The following DLGAP1 variants were observed in gnomAD, a reference collection of about 807,000 sequenced individuals.
The protein encoded by DLGAP1 is disks large-associated protein 1.
In DLGAP1, 11 loss-of-function variants were observed where a neutral mutation model predicts 90.8. That is an observed-to-expected ratio of 0.12 (90% CI 0.08 to 0.20). DLGAP1 has a LOEUF of 0.20. Among genes scored for constraint, DLGAP1 ranks in the 10% least tolerant of loss-of-function variants. The pLI is 1.00. For missense variants in DLGAP1, 1,050 were observed against 1,333.8 expected, an observed-to-expected ratio of 0.79 and a Z score of 3.31; for synonymous variants, 558 against 540.7, an observed-to-expected ratio of 1.03 and a Z score of -0.44.
rs569546586 is a variant in DLGAP1, at chr18:3,536,269, G to A, written c.2058-1654C>T. On this transcript the variant is annotated intron_variant, in intron 9 of 12. Transcript: ENST00000315677. ...GACAGAGTCTTGCTCTGTTGCCCAG[G>A]CTGGAGTGCAGTGGCACAACCTCAA... 4.7e-5 allele frequency among the ~76,000 whole-genome samples: 7 copies of A among 147,808 alleles called. No homozygotes were observed. The East Asian group carries it at 1.4e-3, about 30-fold the overall frequency.
At chr18:4,325,179 T>G (rs1014657142) in intron 1 of DLGAP1, among the ~76,000 whole-genome samples, 1 of 152,092 alleles carries the variant, frequency 6.6e-6, no homozygotes, top group Admixed American at 6.6e-5. Context: ...GGAAACTAAA[T>G]CAATCTATAA....
At chr18:3,891,705 G>A (rs2071464094) in intron 3 of DLGAP1, among the ~76,000 whole-genome samples, 1 of 152,140 alleles carries the variant, frequency 6.6e-6, no homozygotes, top group Non-Finnish European at 1.5e-5. Context: ...GTACGGACTA[G>A]TCTCTGGATA....
intron 1 of DLGAP1, among the ~76,000 whole-genome samples, chr18:4,323,948 T>C (rs1224958286): frequency 2.0e-5 from 3 of 151,788 alleles, no homozygotes; most frequent in African/African-American, 7.3e-5. Context: ...CCACCTAACA[T>C]AACAACTGGA....
At chr18:3,918,967 A>G (rs2072208161) in intron 3 of DLGAP1, among the ~76,000 whole-genome samples, 1 of 152,234 alleles carries the variant, frequency 6.6e-6, no homozygotes, top group African/African-American at 2.4e-5. Context: ...GCTTCTCAAG[A>G]GATACACACA....
chr18:3,763,879 C>T (rs1261528535), intron 5 of DLGAP1, among the ~76,000 whole-genome samples: 2 of 152,070 alleles, frequency 1.3e-5, no homozygotes, highest in African/African-American at 4.8e-5. Flanking sequence ...TCAGGCTGGT[C>T]GCGAACTACT....
chr18:4,033,194 T>C (rs1356559133), intron 2 of DLGAP1, among the ~76,000 whole-genome samples: 6 of 152,138 alleles, frequency 3.9e-5, no homozygotes, highest in Non-Finnish European at 2.9e-5. Context: ...TTTAATTTCA[T>C]ATGATATGAT....
intron 1 of DLGAP1, among the ~76,000 whole-genome samples, chr18:4,281,169 C>T (rs957948529): frequency 6.6e-6 from 1 of 152,122 alleles, no homozygotes; most frequent in African/African-American, 2.4e-5. Context: ...ATGATCTGAA[C>T]GTAGCTGCTT....
At chr18:4,434,052 A>G (rs1428672906) in intron 1 of DLGAP1, among the ~76,000 whole-genome samples, 4 of 152,034 alleles carry the variant, frequency 2.6e-5, no homozygotes, top group Non-Finnish European at 5.9e-5. Context: ...GAACCTGGGT[A>G]TAAACTTCTC....
At chr18:3,798,381 G>C (rs1398404653) in intron 5 of DLGAP1, among the ~76,000 whole-genome samples, 1 of 152,168 alleles carries the variant, frequency 6.6e-6, no homozygotes, top group East Asian at 1.9e-4. Context: ...TGAGCCCTTT[G>C]GGGTCAATGA....
rs373184502 is a variant in DLGAP1, at chr18:4,130,621, A to C, written c.-159+20559T>G. ...ACAGATTCAGTCCTTGTTCTTGTGA[A>C]GTTTACATTCCAGTAGAAGGGGCAG... On this transcript the variant is annotated intron_variant, in intron 2 of 12. Coordinates refer to ENST00000315677, the MANE Select transcript of DLGAP1 (RefSeq NM_004746.4). 1.2e-4 allele frequency among the ~76,000 whole-genome samples: 18 copies of C among 152,282 alleles called. 3 individuals are homozygous for C. The highest frequency in any genetic ancestry group is 7.2e-5 in the African/African-American group (3 of 41,560).
In DLGAP1 at chr18:3,775,892, G is replaced by A. The variant is rs1426628490; in HGVS notation, c.1173-33380C>T. On this transcript the variant is annotated intron_variant, in intron 5 of 12. Coordinates refer to ENST00000315677, the MANE Select transcript of DLGAP1 (RefSeq NM_004746.4). This position sits in a 1 kb window ranked among gnomAD's most constrained non-coding sequence, Gnocchi z 4.9. The stretch of plus-strand genomic sequence containing the variant: ...GGCTTCTGATACCATAGATTCGTTT[G>A]GTCTGTTTTTGAACTTGAGATAAAT... 6.6e-6 allele frequency among the ~76,000 whole-genome samples: 1 copy of A among 152,058 alleles called. No individual in the cohort carries two copies. The highest frequency in any genetic ancestry group is 2.4e-5 in the African/African-American group (1 of 41,388).
At chr18:4,281,771 C>CCT (rs1336237759) in intron 1 of DLGAP1, among the ~76,000 whole-genome samples, 1 of 152,092 alleles carries the variant, frequency 6.6e-6, no homozygotes, top group Non-Finnish European at 1.5e-5. Flanking sequence ...GTTGTATAAA[C>CCT]AGTCACTTAT....
chr18:3,507,399 C>T (rs560287573), intron 11 of DLGAP1, among the ~76,000 whole-genome samples: 2 of 151,844 alleles, frequency 1.3e-5, no homozygotes, highest in South Asian at 2.1e-4. Context: ...CACCTGTAGT[C>T]CCAGCTACTC....
intron 7 of DLGAP1, among the ~76,000 whole-genome samples, chr18:3,688,559 GATA>G (rs977433871): frequency 5.4e-5 from 8 of 149,216 alleles, no homozygotes; most frequent in Non-Finnish European, 1.2e-4. Flanking sequence ...TGTTACTGTT[GATA>G]ATATTTGCTT....
rs536386263 is a variant in DLGAP1 at position 3,844,167 on chromosome 18, T to A, written c.958-29894A>T. ...TAGGAATAGGAGGAACATTTTCTAT[T>A]TCTCCAATATTTCCCACATGCTTTG... On this transcript the variant is annotated intron_variant, in intron 4 of 12. Coordinates refer to ENST00000315677, the MANE Select transcript of DLGAP1 (RefSeq NM_004746.4). 3.8e-4 allele frequency among the ~76,000 whole-genome samples: 58 copies of A among 152,322 alleles called. No individual in the cohort carries two copies. In the South Asian group the frequency reaches 0.011, roughly 30 times the overall value.
intron 1 of DLGAP1, among the ~76,000 whole-genome samples, chr18:4,270,493 T>G (rs1412993782): frequency 6.6e-6 from 1 of 152,226 alleles, no homozygotes; most frequent in Non-Finnish European, 1.5e-5. Flanking sequence ...ATAATTAATT[T>G]AGTGATAACA....
intron 1 of DLGAP1, among the ~76,000 whole-genome samples, chr18:4,449,562 C>T (rs1456595983): frequency 6.6e-6 from 1 of 152,180 alleles, no homozygotes; most frequent in East Asian, 1.9e-4. Flanking sequence ...TTCATTCACT[C>T]AACCAATGTT....
At chr18:3,874,286 T>G (rs1359009948) in intron 4 of DLGAP1, 2 of 1,547,522 alleles carry the variant, frequency 1.3e-6, no homozygotes, top group East Asian at 2.4e-5. Flanking sequence ...TGTCTTGCTC[T>G]CTCTCTCGCT....
Position 4,454,015 on chromosome 18 carries a change from G to A in DLGAP1, c.-267+991C>T, listed in dbSNP as rs770807117. On this transcript the variant is annotated intron_variant, in intron 1 of 12. Transcript: ENST00000315677. The surrounding 1 kb of genome is among the most constrained non-coding windows in gnomAD (Gnocchi z 4.7). ...GGAGGCAAGCCCTGCAGCCGGGGGCGAGCGCGGCACTCGGACACAGGCACT... is the reference window on the plus strand; with the variant it reads ...GGAGGCAAGCCCTGCAGCCGGGGGCAAGCGCGGCACTCGGACACAGGCACT... Among the ~76,000 whole-genome samples, 4 of 152,174 alleles carry A rather than the reference G, an allele frequency of 2.6e-5. No homozygotes were observed. The highest frequency in any genetic ancestry group is 5.9e-5 in the Non-Finnish European group (4 of 68,026).
Sources: gnomAD v4.1 joint callset for allele counts (sites outside exome capture counted in the v4.1 genomes callset) on GRCh38, gnomAD v4.1.1 for gene constraint, Gnocchi (gnomAD v3.1) non-coding constraint, MANE v1.5 for transcripts, NCBI Gene and HGNC (gene_info 2026-07-23, HGNC 2026-07-21) for gene names.